Variants in GPHN observed in about 807,000 individuals in gnomAD.
GPHN encodes the protein gephyrin.
Under a neutral mutation model 95.5 loss-of-function variants are expected in GPHN, and 17 were observed. The ratio of observed to expected loss-of-function variants is 0.18; its 90% CI spans 0.12 to 0.27. GPHN has a LOEUF of 0.27. Ranked by LOEUF, GPHN falls within the 10% of genes least tolerant of loss-of-function variation. The pLI, the probability that GPHN is intolerant of heterozygous loss-of-function variation, is 1.00. For missense variants in GPHN, 660 were observed against 978.1 expected (o/e 0.67, Z 4.34); for synonymous variants, 320 against 322.5 (o/e 0.99, Z 0.08).
At chr14:67,374,623 G>A in the GPHN span, 40 of 941,918 alleles carry the variant, frequency 4.2e-5, no homozygotes, top group Admixed American at 8.9e-4. Flanking sequence ...ATTTCATACT[G>A]CTACTACCTT....
At chr14:67,313,758 A>G in the GPHN span, among the ~76,000 whole-genome samples, 14 of 152,136 alleles carry the variant, frequency 9.2e-5, no homozygotes, top group African/African-American at 3.4e-4. Flanking sequence ...TTGAAAGCAT[A>G]TCCATTAACA....
chr14:66,625,047 G>A (rs1376985916), intron 1 of GPHN, among the ~76,000 whole-genome samples: 3 of 152,108 alleles, frequency 2.0e-5, no homozygotes, highest in African/African-American at 7.2e-5. Flanking sequence ...GCCTGCACTT[G>A]TTAGTGCCTT....
the GPHN span, among the ~76,000 whole-genome samples, chr14:67,704,566 AG>A: frequency 3.8e-4 from 58 of 152,204 alleles, no homozygotes; most frequent in Non-Finnish European, 4.7e-4. Flanking sequence ...AAGGATGGTA[AG>A]TATTATACCT....
At chr14:67,211,137 G>A in the GPHN span, among the ~76,000 whole-genome samples, 2 of 152,070 alleles carry the variant, frequency 1.3e-5, no homozygotes, top group African/African-American at 4.8e-5. Flanking sequence ...TTGTAACATG[G>A]GGATACTATC....
At chr14:66,945,841 C>T (rs191547363) in intron 8 of GPHN, among the ~76,000 whole-genome samples, 1,829 of 152,206 alleles carry the variant, frequency 0.012, 19 homozygotes, top group Non-Finnish European at 0.018. Flanking sequence ...TCCCTATAGA[C>T]ATATAACCTA....
At chr14:66,928,342 T>C (rs369825463) in intron 8 of GPHN, among the ~76,000 whole-genome samples, 1 of 152,224 alleles carries the variant, frequency 6.6e-6, no homozygotes, top group East Asian at 1.9e-4. Context: ...TCTGTAATGA[T>C]ACTTTGAATT....
At chr14:67,604,732 T>C in the GPHN span, among the ~76,000 whole-genome samples, 1 of 151,838 alleles carries the variant, frequency 6.6e-6, no homozygotes, top group African/African-American at 2.4e-5. Flanking sequence ...CAAAAAAAAC[T>C]TTGCCTATCT....
intron 1 of GPHN, among the ~76,000 whole-genome samples, chr14:66,632,998 G>T (rs1269633045): frequency 1.3e-5 from 2 of 152,128 alleles, no homozygotes; most frequent in African/African-American, 4.8e-5. Flanking sequence ...CCTTGCTCAG[G>T]CCAGGCCTTC....
intron 5 of GPHN, among the ~76,000 whole-genome samples, chr14:66,889,928 G>A (rs191699825): frequency 6.6e-6 from 1 of 152,150 alleles, no homozygotes; most frequent in African/African-American, 2.4e-5. Context: ...TGAAAATGGA[G>A]TCATTAGTAC....
chr14:67,086,719 G>A (rs1329201391), intron 11 of GPHN, among the ~76,000 whole-genome samples: 1 of 149,340 alleles, frequency 6.7e-6, no homozygotes, highest in Non-Finnish European at 1.5e-5. Context: ...GAAATATATT[G>A]CTGTGGGTAA....
In GPHN at chr14:67,091,083, G is replaced by T. The variant is rs530855869; in HGVS notation, c.1237+2008G>T. Among the ~76,000 whole-genome samples, 429 of 151,708 alleles carry T rather than the reference G, an allele frequency of 2.8e-3. 1 individual carries two copies. Among genetic ancestry groups the T allele is most frequent in the Non-Finnish European group, 4.8e-3 (326 of 67,772 alleles). Reference sequence around the variant, plus strand: ...TATCTCTGAAAAATGGCTAACATTTGAATTGCTACTCTCATTTTCTGTGTA... The same window carrying T: ...TATCTCTGAAAAATGGCTAACATTTTAATTGCTACTCTCATTTTCTGTGTA... On this transcript the variant is annotated intron_variant, in intron 12 of 22. Transcript: ENST00000478722.
At chr14:67,450,543 C>T in the GPHN span, among the ~76,000 whole-genome samples, 1 of 152,182 alleles carries the variant, frequency 6.6e-6, no homozygotes, top group Admixed American at 6.5e-5. Flanking sequence ...GGAATTGGAA[C>T]AAATGTGACT....
the GPHN span, among the ~76,000 whole-genome samples, chr14:67,419,327 T>TA: frequency 6.6e-6 from 1 of 152,146 alleles, no homozygotes; most frequent in African/African-American, 2.4e-5. Context: ...CCCCTGTAGT[T>TA]ACAGCTGCTC....
At chr14:67,301,989 C>T in the GPHN span, 9 of 1,598,532 alleles carry the variant, frequency 5.6e-6, no homozygotes, top group African/African-American at 5.4e-5. Flanking sequence ...TACTGGCCCA[C>T]GATAAGGTTG....
chr14:67,707,400 G>A, the GPHN span, among the ~76,000 whole-genome samples: 1 of 151,706 alleles, frequency 6.6e-6, no homozygotes, highest in Non-Finnish European at 1.5e-5. Flanking sequence ...ATTATACTTG[G>A]CCTAATTATT....
the GPHN span, among the ~76,000 whole-genome samples, chr14:67,232,179 T>G: frequency 6.6e-6 from 1 of 152,160 alleles, no homozygotes; most frequent in African/African-American, 2.4e-5. Flanking sequence ...TTTTGGAGAC[T>G]AGGTCATAAA....
intron 5 of GPHN, among the ~76,000 whole-genome samples, chr14:66,908,223 A>G (rs961861146): frequency 1.7e-4 from 26 of 152,088 alleles, no homozygotes; most frequent in Admixed American, 9.2e-4. Context: ...CAGGAAATAT[A>G]CAAGATGAAC....
chr14:66,896,887 A>G (rs2064881713), intron 5 of GPHN, among the ~76,000 whole-genome samples: 1 of 152,130 alleles, frequency 6.6e-6, no homozygotes, highest in Non-Finnish European at 1.5e-5. Context: ...TTCCCAGAAC[A>G]TCTTCCACTT....
chr14:66,555,499 C>T (rs1017135219), intron 1 of GPHN, among the ~76,000 whole-genome samples: 1 of 152,058 alleles, frequency 6.6e-6, no homozygotes, highest in Non-Finnish European at 1.5e-5. Context: ...ATTGCCCCCC[C>T]GCAACCCACG....
Sources: gnomAD v4.1 joint callset for allele counts (sites outside exome capture counted in the v4.1 genomes callset) on GRCh38, gnomAD v4.1.1 for gene constraint, MANE v1.5 for transcripts, NCBI Gene and HGNC (gene_info 2026-07-23, HGNC 2026-07-21) for gene names.